The following SLC4A10 variants were observed in gnomAD, a reference collection of about 807,000 sequenced individuals.
The protein encoded by SLC4A10 is sodium-driven chloride bicarbonate exchanger.
A neutral mutation model predicts 137.7 loss-of-function variants in SLC4A10; 42 were observed. The ratio of observed to expected loss-of-function variants is 0.30; its 90% CI spans 0.24 to 0.39. The LOEUF is 0.39. SLC4A10 is among the 10% of genes least tolerant of loss of function. The pLI is 1.00. For missense variants in SLC4A10, 925 were observed against 1,355.0 expected (o/e 0.68, Z 4.98); for synonymous variants, 474 against 464.1 (o/e 1.02, Z -0.27).
chr2:161,653,983 T>C (rs2037169965), intron 1 of SLC4A10, among the ~76,000 whole-genome samples: 1 of 152,218 alleles, frequency 6.6e-6, no homozygotes, highest in Non-Finnish European at 1.5e-5. Flanking sequence ...TTTCCATGAC[T>C]ACTATTTTGC....
At chr2:161,942,309 A>C (rs1447689514) in intron 15 of SLC4A10, among the ~76,000 whole-genome samples, 4 of 152,150 alleles carry the variant, frequency 2.6e-5, no homozygotes, top group African/African-American at 9.7e-5. Context: ...GTTAACTTCT[A>C]AGGCTGTTAA....
At chr2:161,736,968 C>T (rs2047408883) in intron 1 of SLC4A10, among the ~76,000 whole-genome samples, 1 of 151,974 alleles carries the variant, frequency 6.6e-6, no homozygotes, top group Non-Finnish European at 1.5e-5. Context: ...TCAAGTGATC[C>T]TCTCACCTCA....
intron 2 of SLC4A10, among the ~76,000 whole-genome samples, chr2:161,772,752 A>G (rs2051802028): frequency 6.6e-6 from 1 of 151,974 alleles, no homozygotes; most frequent in Non-Finnish European, 1.5e-5. Flanking sequence ...CAGGAAAAAA[A>G]TCTGGTTTAT....
chr2:161,938,881 A>G (rs978605180), intron 15 of SLC4A10, among the ~76,000 whole-genome samples: 1 of 152,102 alleles, frequency 6.6e-6, no homozygotes, highest in African/African-American at 2.4e-5. Context: ...AAAAAACCCC[A>G]CAAATAGTAC....
intron 2 of SLC4A10, among the ~76,000 whole-genome samples, chr2:161,778,696 A>G (rs927356608): frequency 6.6e-6 from 1 of 151,998 alleles, no homozygotes. Flanking sequence ...TCAGGAATTC[A>G]TAAAAGTATA....
chr2:161,720,967 T>C (rs2045594731), intron 1 of SLC4A10, among the ~76,000 whole-genome samples: 1 of 152,272 alleles, frequency 6.6e-6, no homozygotes, highest in African/African-American at 2.4e-5. Flanking sequence ...TAGCTGGGAT[T>C]ACAGGCATGT....
At chr2:161,967,988 A>T (rs2105931746) in intron 23 of SLC4A10, among the ~76,000 whole-genome samples, 1 of 151,066 alleles carries the variant, frequency 6.6e-6, no homozygotes, top group Non-Finnish European at 1.5e-5. Flanking sequence ...AAAAAAAACG[A>T]ACACAGCCCC....
intron 23 of SLC4A10, among the ~76,000 whole-genome samples, chr2:161,971,679 T>G (rs1032028805): frequency 7.2e-5 from 11 of 152,204 alleles, no homozygotes; most frequent in Non-Finnish European, 1.6e-4. Flanking sequence ...AAAGCCTCAA[T>G]TTTTGGCTTT....
At chr2:161,691,290 G>A (rs1210113125) in intron 1 of SLC4A10, among the ~76,000 whole-genome samples, 2 of 136,882 alleles carry the variant, frequency 1.5e-5, no homozygotes, top group East Asian at 5.2e-4. Flanking sequence ...GAGATAGAGA[G>A]TAGAAGGATG....
chr2:161,965,644 T>G (rs1228170288), intron 23 of SLC4A10, among the ~76,000 whole-genome samples: 1 of 152,146 alleles, frequency 6.6e-6, no homozygotes, highest in Admixed American at 6.5e-5. Flanking sequence ...ATAGGTGAAA[T>G]GTTTAGTAGG....
At chr2:161,942,632 T>C (rs1692920968) in intron 15 of SLC4A10, among the ~76,000 whole-genome samples, 160 bp from the exon 16 acceptor site, 1 of 152,164 alleles carries the variant, frequency 6.6e-6, no homozygotes, top group Non-Finnish European at 1.5e-5. Context: ...TCTTGATTTT[T>C]GAAAATAGTC....
At chr2:161,789,971 G>A in intron 2 of SLC4A10, among the ~76,000 whole-genome samples, 1 of 152,110 alleles carries the variant, frequency 6.6e-6, no homozygotes, top group Non-Finnish European at 1.5e-5. Context: ...TATCTGATAA[G>A]CACATTATTA....
At chr2:161,863,120 C>T (rs1215184477) in intron 6 of SLC4A10, 58 bp downstream of exon 6, 10 of 1,420,668 alleles carry the variant, frequency 7.0e-6, no homozygotes, top group South Asian at 4.6e-5. Context: ...CATATCAAAG[C>T]GCTTCTAAAT....
At chr2:161,931,048 G>A (rs550696598) in intron 15 of SLC4A10, among the ~76,000 whole-genome samples, 2 of 152,062 alleles carry the variant, frequency 1.3e-5, no homozygotes, top group African/African-American at 4.8e-5. Flanking sequence ...CTCCTGCCTC[G>A]GCCTCCTGAG....
chr2:161,723,037 C>T (rs1016192383), intron 1 of SLC4A10, among the ~76,000 whole-genome samples: 7 of 152,130 alleles, frequency 4.6e-5, no homozygotes, highest in African/African-American at 7.2e-5. Flanking sequence ...TAGGGGAAAG[C>T]GGCTGACTGA....
intron 1 of SLC4A10, among the ~76,000 whole-genome samples, chr2:161,759,217 CTG>C (rs1215567493): frequency 6.6e-6 from 1 of 151,878 alleles, no homozygotes; most frequent in Non-Finnish European, 1.5e-5. Flanking sequence ...CAAATAAAAA[CTG>C]TGTATATTCA....
chr2:161,774,914 C>A (rs1015790082), intron 2 of SLC4A10, among the ~76,000 whole-genome samples: 1 of 151,870 alleles, frequency 6.6e-6, no homozygotes, highest in Admixed American at 6.6e-5. Flanking sequence ...TTTCCCTGTT[C>A]CCTGAATAGT....
chr2:161,916,000 C>T (rs1687035241), intron 15 of SLC4A10, among the ~76,000 whole-genome samples: 1 of 152,040 alleles, frequency 6.6e-6, no homozygotes, highest in African/African-American at 2.4e-5. Context: ...ATAGAAGAGA[C>T]CATGTGAGGA....
Position 161,949,203 on chromosome 2 carries a change from T to C in SLC4A10, c.2321T>C (p.Leu774Ser). 6.2e-7 allele frequency: 1 copy of C among 1,611,916 alleles called. No individual in the cohort carries two copies. The highest frequency in any genetic ancestry group is 8.5e-7 in the Non-Finnish European group (1 of 1,178,572). Residue 774 changes from leucine (L) to serine (S), a missense_variant, in exon 18 of 27, where the codon TTA becomes TCA. Coordinates refer to ENST00000446997, the MANE Select transcript of SLC4A10 (RefSeq NM_001178015.2). Reference sequence around the variant, plus strand: ...TTTCTTACAATTCTGTGTATGGTTTTAATTGACTATGCCATTGGGATCCCA... The same window carrying C: ...TTTCTTACAATTCTGTGTATGGTTTCAATTGACTATGCCATTGGGATCCCA... Reference protein sequence around the residue: ...AVFLTILCMVLIDYAIGIPSP... With the variant: ...AVFLTILCMVSIDYAIGIPSP...
Sources: allele counts gnomAD v4.1 joint callset (sites outside exome capture counted in the v4.1 genomes callset), GRCh38; gene constraint gnomAD v4.1.1; transcripts MANE v1.5; gene names NCBI Gene and HGNC (gene_info 2026-07-23, HGNC 2026-07-21).